The following ETFDH variants were observed in gnomAD, a reference collection of about 807,000 sequenced individuals.
The protein encoded by ETFDH is electron transfer flavoprotein dehydrogenase.
ETFDH carries 61 observed loss-of-function variants against 73.2 expected under a neutral mutation model. The ratio of observed to expected loss-of-function variants is 0.83; its 90% CI spans 0.68 to 1.03. The LOEUF (loss-of-function observed/expected upper bound fraction) is 1.03, where lower values mean the gene tolerates loss of function less well. ETFDH is among the 50% of genes least tolerant of loss of function. The pLI, the probability that ETFDH is intolerant of heterozygous loss-of-function variation, is 0.00. For synonymous variants in ETFDH, 243 were observed against 253.3 expected (o/e 0.96, Z 0.39); for missense variants, 685 against 745.0 (o/e 0.92, Z 0.94).
intron 5 of ETFDH, among the ~76,000 whole-genome samples, chr4:158,687,762 C>T (rs1026559127): frequency 2.0e-5 from 3 of 152,124 alleles, no homozygotes; most frequent in Non-Finnish European, 4.4e-5. Flanking sequence ...AAATCTTGGC[C>T]GGGCGCAGTG....
At chr4:158,682,445 T>C (rs2150305328) in intron 3 of ETFDH, 21 bp downstream of exon 3, 1 of 1,564,222 alleles carries the variant, frequency 6.4e-7, no homozygotes, top group Non-Finnish European at 8.8e-7. Flanking sequence ...TTGTTTTTTA[T>C]ACAAAGTCTA....
At chr4:158,681,749 A>G (rs1773864558) in intron 2 of ETFDH, 1 of 210,464 alleles carries the variant, frequency 4.8e-6, no homozygotes. Context: ...AGTCAGTCAC[A>G]TGCTATATAG....
intron 6 of ETFDH, among the ~76,000 whole-genome samples, chr4:158,691,166 T>C (rs72693395): frequency 0.11 from 16,531 of 152,250 alleles, 1,175 homozygotes; most frequent in Admixed American, 0.21. Context: ...TTCAAACATA[T>C]ACACATTTAT....
At chr4:158,704,657 G>A (rs750386865) in intron 10 of ETFDH, among the ~76,000 whole-genome samples, 3 of 152,076 alleles carry the variant, frequency 2.0e-5, no homozygotes, top group Admixed American at 6.6e-5. Flanking sequence ...TGAAAACTCC[G>A]AGACTAGAGG....
chr4:158,703,808 C>A (rs1473857994), intron 10 of ETFDH, among the ~76,000 whole-genome samples: 1 of 152,108 alleles, frequency 6.6e-6, no homozygotes, highest in Non-Finnish European at 1.5e-5. Context: ...AGAAAAGTAC[C>A]AGTGGTAGCC....
intron 9 of ETFDH, among the ~76,000 whole-genome samples, chr4:158,699,445 C>G (rs1774402617): frequency 1.3e-5 from 2 of 152,184 alleles, no homozygotes; most frequent in Non-Finnish European, 2.9e-5. Flanking sequence ...TGACGAGCGC[C>G]TGTGGTCCCA....
At chr4:158,699,396 C>T (rs1174626848) in intron 9 of ETFDH, among the ~76,000 whole-genome samples, 1 of 152,032 alleles carries the variant, frequency 6.6e-6, no homozygotes, top group Non-Finnish European at 1.5e-5. Flanking sequence ...ATGGCGAAAC[C>T]CCATCTCTAC....
In ETFDH at chr4:158,706,795, T is replaced by G. The variant is rs779574766; in HGVS notation, c.1635T>G (p.Pro545=). Residue 545 remains proline (P), a synonymous_variant, in exon 12 of 13, where the codon CCT becomes CCG. Transcript: ENST00000511912. ...AHLTLRDDSI[P]VNRNLSIYDG... ...TAACCTTAAGGGATGACAGTATACC[T>G]GTAAATAGAAATCTGTCGATATATG... is the stretch of plus-strand genomic sequence containing the variant. 6.2e-7 allele frequency: 1 copy of G among 1,613,980 alleles called. No individual in the cohort carries two copies.
At chr4:158,674,463 G>A in intron 1 of ETFDH, among the ~76,000 whole-genome samples, 1 of 151,990 alleles carries the variant, frequency 6.6e-6, no homozygotes, top group East Asian at 1.9e-4. Flanking sequence ...CCACCACCAT[G>A]CCTAATTTTG....
intron 9 of ETFDH, among the ~76,000 whole-genome samples, chr4:158,702,743 C>G (rs1017203152): frequency 6.6e-6 from 1 of 152,144 alleles, no homozygotes; most frequent in Non-Finnish European, 1.5e-5. Flanking sequence ...GATTCCGTAT[C>G]TTGGCAATTA....
At chr4:158,688,066 G>C (rs1280573970) in intron 5 of ETFDH, among the ~76,000 whole-genome samples, 3 of 150,410 alleles carry the variant, frequency 2.0e-5, no homozygotes, top group African/African-American at 7.4e-5. Flanking sequence ...AATCGCCTGA[G>C]GACCCAGAAA....
chr4:158,687,318 C>CA (rs1216880277), intron 5 of ETFDH, among the ~76,000 whole-genome samples: 8 of 152,122 alleles, frequency 5.3e-5, no homozygotes, highest in African/African-American at 1.9e-4. Context: ...GATTAAGAGA[C>CA]AGGGACAGTT....
At chr4:158,695,727 T>C in intron 7 of ETFDH, 84 bp downstream of exon 7, 8 of 917,642 alleles carry the variant, frequency 8.7e-6, no homozygotes, top group Non-Finnish European at 1.4e-5. Flanking sequence ...ATAATACTGA[T>C]TTAATTTTAG....
chr4:158,706,542 A>G (rs1174768251), intron 11 of ETFDH, 87 bp from the exon 12 acceptor site: 1 of 1,206,388 alleles, frequency 8.3e-7, no homozygotes, highest in Non-Finnish European at 1.2e-6. Context: ...TGGTGTGATA[A>G]TATTTTGAAG....
Position 158,697,635 on chromosome 4 carries a change from C to T in ETFDH, c.908C>T (p.Thr303Ile). ...HTVGWPLDRH[T>I]YGGSFLYHLN... ...GTTGGTTGGCCCTTGGACAGACATA[C>T]CTATGGAGGATCTTTCCTCTATCAT... is the stretch of plus-strand genomic sequence containing the variant. The change falls in exon 8 of 13, where the codon ACC becomes ATC. Residue 303 changes from threonine to isoleucine, a missense_variant. By Grantham distance (89) the Thr-to-Ile change is moderately conservative (BLOSUM62 -1). Around this residue, in one of 3 missense-constraint regions of ETFDH, gnomAD observed 405 missense variants for 399.3 expected, o/e 1.01. Coordinates refer to ENST00000511912, the MANE Select transcript of ETFDH (RefSeq NM_004453.4). The T allele has an allele frequency of 6.2e-7, 1 of 1,612,916 alleles. No homozygotes were observed. Among genetic ancestry groups the T allele is most frequent in the African/African-American group, 1.3e-5 (1 of 74,888 alleles).
Position 158,690,320 on chromosome 4 carries a change from T to G in ETFDH, c.607-28T>G, listed in dbSNP as rs1036421158. 8.3e-6 allele frequency: 10 copies of G among 1,207,160 alleles called. No homozygotes were observed. In the Admixed American group the frequency reaches 1.0e-4, roughly 12 times the overall value. 74.8% of individuals were successfully genotyped at this position (1,207,160 alleles called of 1,614,324 possible). ...AAGATTATTATGAATTCTAAGGTAT[T>G]AATAAATTTGTTTTTTATCATTTTT... On this transcript the variant is annotated intron_variant, in intron 5 of 12. Coordinates refer to ENST00000511912, the MANE Select transcript of ETFDH (RefSeq NM_004453.4).
At chr4:158,686,173 G>T (rs553241694) in intron 5 of ETFDH, among the ~76,000 whole-genome samples, 1 of 152,274 alleles carries the variant, frequency 6.6e-6, no homozygotes, top group South Asian at 2.1e-4. Context: ...AGACCTTGAA[G>T]CTGCTGCTTT....
At chr4:158,689,381 A>C (rs918062001) in intron 5 of ETFDH, among the ~76,000 whole-genome samples, 1 of 151,834 alleles carries the variant, frequency 6.6e-6, no homozygotes, top group African/African-American at 2.4e-5. Context: ...GGTGGTTTGT[A>C]GAATCCATGA....
chr4:158,677,428 T>C (rs1773738347), intron 1 of ETFDH, among the ~76,000 whole-genome samples: 1 of 152,220 alleles, frequency 6.6e-6, no homozygotes, highest in Non-Finnish European at 1.5e-5. Flanking sequence ...ATGTGGCCCA[T>C]AGGCTGCAGG....
Sources: gnomAD v4.1 joint callset for allele counts (sites outside exome capture counted in the v4.1 genomes callset) on GRCh38, gnomAD v4.1.1 for gene constraint, gnomAD v4.1.1 regional missense constraint, MANE v1.5 for transcripts, NCBI Gene and HGNC (gene_info 2026-07-23, HGNC 2026-07-21) for gene names.